Variants in CDH7 observed in about 807,000 individuals in gnomAD.
The protein encoded by CDH7 is cadherin-7.
Under a neutral mutation model 71.8 loss-of-function variants are expected in CDH7, and 25 were observed. That is an observed-to-expected ratio of 0.35 (90% CI 0.25 to 0.49). The LOEUF is 0.49. Among genes scored for constraint, CDH7 ranks in the 20% least tolerant of loss-of-function variants. The pLI is 0.99. For missense variants in CDH7, 862 were observed against 974.6 expected, an observed-to-expected ratio of 0.88 and a Z score of 1.54; for synonymous variants, 381 against 363.8, an observed-to-expected ratio of 1.05 and a Z score of -0.54.
intron 11 of CDH7, among the ~76,000 whole-genome samples, chr18:65,874,630 G>A (rs981417653): frequency 3.3e-5 from 5 of 151,548 alleles, no homozygotes; most frequent in African/African-American, 9.7e-5. Flanking sequence ...CAAGATAAAC[G>A]CATGTAAAAA....
In CDH7 at chr18:65,811,491, C is replaced by T. The variant is rs138883611; in HGVS notation, c.505+1493C>T. Reference sequence around the variant, plus strand: ...TTAGCACATATGTAAGCATTGCTAGCATTTCTGTGACCAAACAGGTGTATT... The same window carrying T: ...TTAGCACATATGTAAGCATTGCTAGTATTTCTGTGACCAAACAGGTGTATT... On this transcript the variant is annotated intron_variant, in intron 3 of 11. Coordinates refer to ENST00000397968, the MANE Select transcript of CDH7 (RefSeq NM_004361.5). 3.9e-3 allele frequency among the ~76,000 whole-genome samples: 601 copies of T among 152,278 alleles called. 4 individuals are homozygous for T. Among genetic ancestry groups the T allele is most frequent in the South Asian group, 0.018 (88 of 4,830 alleles).
chr18:65,864,807 C>G (rs1043662103), intron 11 of CDH7, among the ~76,000 whole-genome samples: 2 of 145,690 alleles, frequency 1.4e-5, no homozygotes, highest in African/African-American at 5.1e-5. Flanking sequence ...AGGAGAATGG[C>G]GTGAACCCAG....
rs141178753 is a variant in CDH7, at chr18:65,813,052, G to T, written c.506-1433G>T. Among the ~76,000 whole-genome samples the T allele has an allele frequency of 2.6e-3, 397 of 152,228 alleles. 4 individuals are homozygous for T. Among genetic ancestry groups the T allele is most frequent in the African/African-American group, 9.0e-3 (375 of 41,540 alleles). On this transcript the variant is annotated intron_variant, in intron 3 of 11. Transcript: ENST00000397968. ...AAGTCCATAAAATAAAAAACTTCAG[G>T]CTGGGTGTGGTGGCTCACGCCTGGA...
At chr18:65,781,840 T>TGTC (rs1910232536) in intron 2 of CDH7, among the ~76,000 whole-genome samples, 7 of 96,352 alleles carry the variant, frequency 7.3e-5, no homozygotes, top group African/African-American at 4.7e-4. Context: ...CTTTCTTTCT[T>TGTC]TCTTTCTTTC....
At chr18:65,863,015 A>G in intron 11 of CDH7, 98 bp downstream of exon 11, 2 of 1,289,874 alleles carry the variant, frequency 1.6e-6, no homozygotes, top group Non-Finnish European at 1.1e-6. Context: ...ACATATGCAG[A>G]TATTCTACTG....
chr18:65,824,798 A>G lies in CDH7; in HGVS notation c.948A>G (p.Lys316=). ...GLGIFKISVD[K]ETQEGIITIQ... is the part of the protein sequence containing the mutation. ...GCATTTTTAAGATTTCTGTTGACAAAGAAACCCAGGAAGGAATCATTACTA... is the reference window on the plus strand; with the variant it reads ...GCATTTTTAAGATTTCTGTTGACAAGGAAACCCAGGAAGGAATCATTACTA... Residue 316 remains lysine, a synonymous_variant, in exon 6 of 12, where the codon AAA becomes AAG. Transcript: ENST00000397968. 6.2e-7 allele frequency: 1 copy of G among 1,611,982 alleles called. No individual in the cohort carries two copies. Among genetic ancestry groups the G allele is most frequent in the Non-Finnish European group, 8.5e-7 (1 of 1,178,450 alleles).
intron 6 of CDH7, among the ~76,000 whole-genome samples, chr18:65,840,361 G>A (rs1912685036): frequency 6.6e-6 from 1 of 152,004 alleles, no homozygotes; most frequent in Non-Finnish European, 1.5e-5. Context: ...AAGCCACAGA[G>A]TCATTCTGGG....
At chr18:65,853,989 T>A (rs1324256932) in intron 7 of CDH7, among the ~76,000 whole-genome samples, 1 of 128,858 alleles carries the variant, frequency 7.8e-6, no homozygotes, top group Admixed American at 8.8e-5. Context: ...GGGATTATAG[T>A]TATTAACAAA....
At chr18:65,754,147 A>C (rs1408044660) in intron 1 of CDH7, among the ~76,000 whole-genome samples, 3 of 152,230 alleles carry the variant, frequency 2.0e-5, no homozygotes, top group Non-Finnish European at 2.9e-5. Flanking sequence ...TAATTTACGA[A>C]TGTTTCTTCT....
chr18:65,864,846 A>G (rs1031484803), intron 11 of CDH7, among the ~76,000 whole-genome samples: 203 of 148,404 alleles, frequency 1.4e-3, no homozygotes, highest in African/African-American at 5.0e-3. Flanking sequence ...AGCCGAGATC[A>G]TGCCACTGCA....
intron 11 of CDH7, among the ~76,000 whole-genome samples, chr18:65,872,576 AC>A (rs1195742515): frequency 6.6e-6 from 1 of 152,146 alleles, no homozygotes; most frequent in Non-Finnish European, 1.5e-5. Flanking sequence ...TCTGAAGCCA[AC>A]AAAATTCAAG....
chr18:65,858,846 T>TCAG, intron 8 of CDH7, 79 bp from the exon 9 acceptor site: 1 of 1,408,378 alleles, frequency 7.1e-7, no homozygotes, highest in Non-Finnish European at 9.9e-7. Flanking sequence ...GATTTCATTC[T>TCAG]CAGCTTCGTC....
chr18:65,839,737 G>A (rs1399091971), intron 6 of CDH7, among the ~76,000 whole-genome samples: 36 of 152,300 alleles, frequency 2.4e-4, no homozygotes, highest in Admixed American at 2.3e-3. Context: ...ATAAAGTTGT[G>A]TGAGAAAGAA....
chr18:65,809,057 A>T (rs1290087857), intron 2 of CDH7, among the ~76,000 whole-genome samples: 1 of 152,162 alleles, frequency 6.6e-6, no homozygotes, highest in Non-Finnish European at 1.5e-5. Context: ...ATTTCAACAA[A>T]GCTTTTAGTT....
intron 11 of CDH7, among the ~76,000 whole-genome samples, chr18:65,866,964 A>G (rs188301309): frequency 2.6e-5 from 4 of 152,200 alleles, no homozygotes; most frequent in African/African-American, 9.6e-5. Flanking sequence ...AAAATAATCA[A>G]TTAGATACCT....
At chr18:65,801,139 C>T (rs192691867) in intron 2 of CDH7, among the ~76,000 whole-genome samples, 4 of 152,314 alleles carry the variant, frequency 2.6e-5, no homozygotes, top group Admixed American at 2.6e-4. Flanking sequence ...TTTAGGCTCC[C>T]TCTTGTTACC....
chr18:65,847,374 A>G lies in CDH7; in HGVS notation c.1235+3309A>G, dbSNP rs548143339. On this transcript the variant is annotated intron_variant, in intron 7 of 11. Transcript: ENST00000397968. ...GTTTGACTTGTAAAACAGTGTGGCC[A>G]ATGGGATGATTAGTTTTGAATTTAT... 3.4e-3 allele frequency among the ~76,000 whole-genome samples: 517 copies of G among 152,322 alleles called. 8 individuals are homozygous for G. Among genetic ancestry groups the G allele is most frequent in the Non-Finnish European group, 4.6e-3 (313 of 68,022 alleles).
intron 2 of CDH7, among the ~76,000 whole-genome samples, chr18:65,782,079 T>TTTCCTTCCTTCC (rs1223384409): frequency 3.7e-4 from 16 of 43,138 alleles, no homozygotes; most frequent in East Asian, 1.5e-3. Context: ...TCTTTCTTTC[T>TTTCCTTCCTTCC]TTCCTTCCTT....
chr18:65,796,251 A>G (rs1027705823), intron 2 of CDH7, among the ~76,000 whole-genome samples: 8 of 152,304 alleles, frequency 5.3e-5, no homozygotes, highest in Admixed American at 3.9e-4. Context: ...ATCTGGAAAT[A>G]AATAACCCAA....
Sources: allele counts gnomAD v4.1 joint callset (sites outside exome capture counted in the v4.1 genomes callset), GRCh38; gene constraint gnomAD v4.1.1; transcripts MANE v1.5; gene names NCBI Gene and HGNC (gene_info 2026-07-23, HGNC 2026-07-21).